Variants in ARL5B observed in about 807,000 individuals in gnomAD.
ARL5B encodes the protein ADP-ribosylation factor-like protein 5B.
Under a neutral mutation model 26.9 loss-of-function variants are expected in ARL5B, and 10 were observed. That is an observed-to-expected ratio of 0.37 (90% CI 0.23 to 0.63). ARL5B has a LOEUF of 0.63. ARL5B is among the 30% of genes least tolerant of loss of function. The probability of loss-of-function intolerance (pLI) is 0.62; values close to 1 mark genes in which losing one functional copy is unlikely to be tolerated. For missense variants in ARL5B, 167 were observed against 213.9 expected (o/e 0.78, Z 1.37); for synonymous variants, 87 against 70.4 (o/e 1.24, Z -1.18).
chr10:18,678,564 T>C lies in ARL5B; in HGVS notation c.*3348T>C, dbSNP rs772489800. ...AATCATTCTGAATAATCAATTTTTA[T>C]TTAGTCCTTAACTATGTAAAACCGT... On this transcript the variant is annotated 3_prime_UTR_variant, in exon 6 of 6. Transcript: ENST00000377275. 16 of 151,882 alleles carry C rather than the reference T, an allele frequency of 1.1e-4. No individual in the cohort carries two copies. Among genetic ancestry groups the C allele is most frequent in the Admixed American group, 5.3e-4 (8 of 15,230 alleles). 9.4% of individuals were successfully genotyped at this position (151,882 alleles called of 1,614,324 possible).
In ARL5B at chr10:18,668,783, T is replaced by C. The variant is rs967202402; in HGVS notation, c.255+106T>C. The C allele has an allele frequency of 4.0e-6, 5 of 1,245,118 alleles. No individual in the cohort carries two copies. In the South Asian group the frequency reaches 6.3e-5, roughly 16 times the overall value. 77.1% of individuals were successfully genotyped at this position (1,245,118 alleles called of 1,614,324 possible). A position where few individuals can be genotyped will look rare whatever the true frequency, so the allele number is the denominator to read the frequency against. On this transcript the variant is annotated intron_variant, in intron 3 of 5. Coordinates refer to ENST00000377275, the MANE Select transcript of ARL5B (RefSeq NM_178815.5). The stretch of plus-strand genomic sequence containing the variant: ...ATTGACAGTTGCCTTTTTTTTTTTT[T>C]TTTTTAAGACGGAGTCTTGCTCTGT...
Position 18,678,465 on chromosome 10 carries a change from G to T in ARL5B, c.*3249G>T, listed in dbSNP as rs2059919304. ...TCTGAAAAGTTGTGGGGGTCACAAAGAAAATTTTAAAGAATATAGAAGCTT... is the reference window on the plus strand; with the variant it reads ...TCTGAAAAGTTGTGGGGGTCACAAATAAAATTTTAAAGAATATAGAAGCTT... On this transcript the variant is annotated 3_prime_UTR_variant, in exon 6 of 6. Transcript: ENST00000377275. The T allele has an allele frequency of 6.6e-6, 1 of 151,896 alleles. No individual in the cohort carries two copies. Among genetic ancestry groups the T allele is most frequent in the South Asian group, 2.1e-4 (1 of 4,824 alleles). 9.4% of individuals were successfully genotyped at this position (151,896 alleles called of 1,614,324 possible). A position where few individuals can be genotyped will look rare whatever the true frequency, so the allele number is the denominator to read the frequency against.
chr10:18,673,301 C>T (rs1207301888), intron 4 of ARL5B, among the ~76,000 whole-genome samples: 1 of 151,960 alleles, frequency 6.6e-6, no homozygotes, highest in East Asian at 1.9e-4. Flanking sequence ...ATGTCGTTAT[C>T]CGCCTGCCTC....
intron 3 of ARL5B, among the ~76,000 whole-genome samples, chr10:18,671,413 C>G (rs908061789): frequency 6.6e-6 from 1 of 152,078 alleles, no homozygotes; most frequent in African/African-American, 2.4e-5. Context: ...AAGTGATATG[C>G]CCACCTCGGC....
chr10:18,659,850 G>C, intron 1 of ARL5B, 167 bp downstream of exon 1: 1 of 985,378 alleles, frequency 1.0e-6, no homozygotes, highest in Non-Finnish European at 1.2e-6. Context: ...GGACGTACAG[G>C]AGAGACCTGA....
chr10:18,670,333 A>G (rs1590227513), intron 3 of ARL5B, among the ~76,000 whole-genome samples: 1 of 152,186 alleles, frequency 6.6e-6, no homozygotes, highest in East Asian at 1.9e-4. Context: ...GGGAAGGGCC[A>G]GGCGCAGTGG....
intron 4 of ARL5B, among the ~76,000 whole-genome samples, 197 bp from the exon 5 acceptor site, chr10:18,673,787 G>A (rs1200639205): frequency 6.7e-6 from 1 of 149,606 alleles, no homozygotes; most frequent in Admixed American, 6.7e-5. Flanking sequence ...TGACCAGTTC[G>A]ACTCAAAAAT....
intron 1 of ARL5B, among the ~76,000 whole-genome samples, chr10:18,662,942 A>G (rs1327363774): frequency 6.6e-6 from 1 of 151,948 alleles, no homozygotes; most frequent in South Asian, 2.1e-4. Context: ...ACCTCAGGTA[A>G]TCCGCCCGCC....
Position 18,678,378 on chromosome 10 carries a change from A to G in ARL5B, c.*3162A>G, listed in dbSNP as rs1328645915. 2.0e-5 allele frequency: 3 copies of G among 151,894 alleles called. No homozygotes were observed. Among genetic ancestry groups the G allele is most frequent in the Admixed American group, 6.6e-5 (1 of 15,262 alleles). 9.4% of individuals were successfully genotyped at this position (151,894 alleles called of 1,614,324 possible). On this transcript the variant is annotated 3_prime_UTR_variant, in exon 6 of 6. Transcript: ENST00000377275. ...AGCATAATTTAACTTTCATTATAGC[A>G]TAAAGAGAAAATAATTATTTTAGTA...
rs376801401 is a variant in ARL5B, at chr10:18,659,627, C to G, written c.-11C>G. 3 of 1,608,628 alleles carry G rather than the reference C, an allele frequency of 1.9e-6. No homozygotes were observed. Among genetic ancestry groups the G allele is most frequent in the Admixed American group, 1.7e-5 (1 of 59,556 alleles). ...TGCCGAGGGACCCCGCGGCCCGCCC[C>G]GGTGCTCGTGATGGGGCTGATCTTC... On this transcript the variant is annotated 5_prime_UTR_variant, in exon 1 of 6. Transcript: ENST00000377275.
At chr10:18,660,702 A>G (rs188972835) in intron 1 of ARL5B, among the ~76,000 whole-genome samples, 9 of 152,306 alleles carry the variant, frequency 5.9e-5, no homozygotes, top group African/African-American at 1.2e-4. Flanking sequence ...TTTCAAGGTT[A>G]TAAATATAGA....
In ARL5B at chr10:18,679,947, G is replaced by A. The variant is rs1218362934; in HGVS notation, c.*4731G>A. ...TGTATTATTCTTAATGTGGCCAAAG[G>A]AGTGAAGACTGATTAGGGTTTTAGA... On this transcript the variant is annotated 3_prime_UTR_variant, in exon 6 of 6. Coordinates refer to ENST00000377275, the MANE Select transcript of ARL5B (RefSeq NM_178815.5). The A allele has an allele frequency of 2.6e-5, 4 of 151,910 alleles. No homozygotes were observed. Among genetic ancestry groups the A allele is most frequent in the Non-Finnish European group, 4.4e-5 (3 of 67,854 alleles). The allele number at this position is 151,910 out of a possible 1,614,324, so 9.4% of individuals were successfully genotyped here.
rs936903197 is a variant in ARL5B at position 18,678,461 on chromosome 10, CAAAG to C, written c.*3249_*3252del. 2.0e-5 allele frequency: 3 copies of C among 151,638 alleles called. No individual in the cohort carries two copies. Among genetic ancestry groups the C allele is most frequent in the African/African-American group, 7.3e-5 (3 of 41,370 alleles). The allele number at this position is 151,638 out of a possible 1,614,324, so 9.4% of individuals were successfully genotyped here. A position where few individuals can be genotyped will look rare whatever the true frequency, so the allele number is the denominator to read the frequency against. On this transcript the variant is annotated 3_prime_UTR_variant, in exon 6 of 6. Coordinates refer to ENST00000377275, the MANE Select transcript of ARL5B (RefSeq NM_178815.5). ...ATTCTCTGAAAAGTTGTGGGGGTCACAAAGAAAATTTTAAAGAATATAGAAGCTT... is the reference window on the plus strand; with the variant it reads ...ATTCTCTGAAAAGTTGTGGGGGTCACAAAATTTTAAAGAATATAGAAGCTT...
At chr10:18,664,978 A>G (rs377311232) in intron 1 of ARL5B, among the ~76,000 whole-genome samples, 2 of 152,188 alleles carry the variant, frequency 1.3e-5, no homozygotes, top group African/African-American at 2.4e-5. Flanking sequence ...ATCTGCCTTC[A>G]AGTTTTGCTT....
At chr10:18,673,923 C>A (rs2059899074) in intron 4 of ARL5B, 61 bp from the exon 5 acceptor site, 2 of 1,484,258 alleles carry the variant, frequency 1.3e-6, no homozygotes, top group Non-Finnish European at 1.8e-6. Context: ...TATAACTGTT[C>A]AGCTGGGTAA....
chr10:18,668,513 T>C lies in ARL5B; in HGVS notation c.108-17T>C, dbSNP rs2059871713. On this transcript the variant is annotated splice_polypyrimidine_tract_variant and intron_variant, in intron 2 of 5. Coordinates refer to ENST00000377275, the MANE Select transcript of ARL5B (RefSeq NM_178815.5). ...TCAAGATTTACAAGAGCTTTTACGG[T>C]GTCTGTTTTTCAACAGCTTAATGAA... 6.2e-7 allele frequency: 1 copy of C among 1,612,596 alleles called. No homozygotes were observed. Among genetic ancestry groups the C allele is most frequent in the Non-Finnish European group, 8.5e-7 (1 of 1,179,466 alleles).
intron 2 of ARL5B, among the ~76,000 whole-genome samples, chr10:18,668,318 G>T (rs949905359): frequency 1.3e-5 from 2 of 150,114 alleles, no homozygotes; most frequent in African/African-American, 4.9e-5. Flanking sequence ...AATTCCTTCC[G>T]TTAAAAAAAA....
intron 3 of ARL5B, 130 bp downstream of exon 3, chr10:18,668,807 G>A: frequency 2.0e-6 from 2 of 979,130 alleles, no homozygotes; most frequent in South Asian, 3.7e-5. Context: ...GTCTTGCTCT[G>A]TCGCCAGGCT....
intron 2 of ARL5B, 121 bp downstream of exon 2, chr10:18,666,756 T>G (rs188431751): frequency 2.5e-6 from 2 of 786,566 alleles, no homozygotes; most frequent in Admixed American, 3.6e-5. Context: ...TTGTTTTTTG[T>G]TTTTTTAATT....
Sources: allele counts gnomAD v4.1 joint callset (sites outside exome capture counted in the v4.1 genomes callset), GRCh38; gene constraint gnomAD v4.1.1; transcripts MANE v1.5; gene names NCBI Gene and HGNC (gene_info 2026-07-23, HGNC 2026-07-21).